Variants in CNTN1 observed in about 807,000 individuals in gnomAD.
CNTN1 encodes contactin-1.
In CNTN1, 38 loss-of-function variants were observed where a neutral mutation model predicts 126.4. That is an observed-to-expected ratio of 0.30 (90% CI 0.23 to 0.39). The LOEUF (loss-of-function observed/expected upper bound fraction) is 0.39, where lower values mean the gene tolerates loss of function less well. CNTN1 is among the 10% of genes least tolerant of loss of function. The probability of loss-of-function intolerance (pLI) is 1.00; values close to 1 mark genes in which losing one functional copy is unlikely to be tolerated. For missense variants in CNTN1, 1,009 were observed against 1,248.4 expected (o/e 0.81, Z 2.89); for synonymous variants, 413 against 422.6 (o/e 0.98, Z 0.28).
chr12:40,849,613 C>A (rs1370630443), intron 1 of CNTN1, among the ~76,000 whole-genome samples: 1 of 152,022 alleles, frequency 6.6e-6, no homozygotes, highest in Admixed American at 6.6e-5. Flanking sequence ...TATTCTCAAA[C>A]TATCTGAAGA....
chr12:40,790,371 C>A (rs1337990692), intron 1 of CNTN1, among the ~76,000 whole-genome samples: 2 of 152,096 alleles, frequency 1.3e-5, no homozygotes, highest in Non-Finnish European at 2.9e-5. Context: ...CTGTTACCAC[C>A]TTTATGATAT....
intron 23 of CNTN1, among the ~76,000 whole-genome samples, chr12:41,046,972 C>T (rs1257879341): frequency 6.6e-6 from 1 of 150,532 alleles, no homozygotes; most frequent in Non-Finnish European, 1.5e-5. Context: ...CCCTTTCCCT[C>T]TTTATGCTTC....
rs532543671 is a variant in CNTN1 at position 40,824,757 on chromosome 12, T to G, written c.-76-83600T>G. ...ACATTAAAGCCCATATTGTTTCCAT[T>G]ATAAACCCCTGTGTCTTTAAATATC... On this transcript the variant is annotated intron_variant, in intron 1 of 23. Coordinates refer to ENST00000551295, the MANE Select transcript of CNTN1 (RefSeq NM_001843.4). 4.6e-5 allele frequency among the ~76,000 whole-genome samples: 7 copies of G among 152,292 alleles called. No individual in the cohort carries two copies. The East Asian group carries it at 1.2e-3, about 25-fold the overall frequency.
intron 15 of CNTN1, chr12:40,971,537 G>A (rs773925837): frequency 2.5e-6 from 4 of 1,587,048 alleles, no homozygotes; most frequent in South Asian, 2.3e-5. Context: ...CCATTTCTGT[G>A]AAAGACTTTT....
rs544882120 is a variant in CNTN1 at position 40,823,955 on chromosome 12, C to T, written c.-76-84402C>T. On this transcript the variant is annotated intron_variant, in intron 1 of 23. Transcript: ENST00000551295. ...TATTTTCCTCATCACCATATCCTTACATTTGCCTTGTTTAGTGCCTCATCA... is the reference window on the plus strand; with the variant it reads ...TATTTTCCTCATCACCATATCCTTATATTTGCCTTGTTTAGTGCCTCATCA... Among the ~76,000 whole-genome samples the T allele has an allele frequency of 3.3e-5, 5 of 152,176 alleles. No homozygotes were observed. In the East Asian group the frequency reaches 7.7e-4, roughly 23 times the overall value.
At chr12:41,007,490 G>A (rs778049814) in intron 17 of CNTN1, among the ~76,000 whole-genome samples, 37 of 152,170 alleles carry the variant, frequency 2.4e-4, no homozygotes, top group Non-Finnish European at 3.5e-4. Flanking sequence ...GGACTCACAC[G>A]AGGAGTTTAG....
chr12:40,972,260 T>G, intron 15 of CNTN1: 1 of 985,268 alleles, frequency 1.0e-6, no homozygotes, highest in Non-Finnish European at 1.2e-6. Context: ...AAGGTTGTGA[T>G]TTTTACTGGG....
chr12:41,001,526 AT>A (rs1948360014), intron 17 of CNTN1, among the ~76,000 whole-genome samples: 1 of 151,858 alleles, frequency 6.6e-6, no homozygotes, highest in African/African-American at 2.4e-5. Context: ...AGTTTGCAAA[AT>A]TTTTTTCCCA....
chr12:40,697,375 T>C (rs1941476797), intron 1 of CNTN1, among the ~76,000 whole-genome samples: 1 of 152,232 alleles, frequency 6.6e-6, no homozygotes, highest in African/African-American at 2.4e-5. Context: ...AAAAATGTTA[T>C]ATTTATAGGT....
chr12:40,991,828 AAAAC>A lies in CNTN1; in HGVS notation c.1964-1268_1964-1265del, dbSNP rs141511459. On this transcript the variant is annotated intron_variant, in intron 16 of 23. Coordinates refer to ENST00000551295, the MANE Select transcript of CNTN1 (RefSeq NM_001843.4). The stretch of plus-strand genomic sequence containing the variant: ...GGGTGACAGAGTGAGACTCCGTCTC[AAAAC>A]AAACAAACAAACAAACAAACAAAAA... 8.9e-3 allele frequency among the ~76,000 whole-genome samples: 1,357 copies of A among 151,994 alleles called. 17 individuals are homozygous for A. Among genetic ancestry groups the A allele is most frequent in the African/African-American group, 0.031 (1,304 of 41,470 alleles).
At chr12:40,906,545 T>C (rs1294323215) in intron 1 of CNTN1, among the ~76,000 whole-genome samples, 10 of 152,152 alleles carry the variant, frequency 6.6e-5, no homozygotes. Context: ...TATATTTTTC[T>C]CTGACATAAT....
chr12:40,698,321 C>T (rs550001852), intron 1 of CNTN1, among the ~76,000 whole-genome samples: 3 of 149,440 alleles, frequency 2.0e-5, no homozygotes, highest in African/African-American at 7.4e-5. Context: ...CTGCAAGCTC[C>T]GCCTCCTGGG....
intron 1 of CNTN1, among the ~76,000 whole-genome samples, chr12:40,781,000 T>G (rs995899950): frequency 6.6e-6 from 1 of 151,794 alleles, no homozygotes. Context: ...AATCACATAC[T>G]CACTACTAAG....
chr12:40,713,673 A>G (rs777023311), intron 1 of CNTN1, among the ~76,000 whole-genome samples: 11 of 152,088 alleles, frequency 7.2e-5, no homozygotes, highest in Non-Finnish European at 5.9e-5. Context: ...AGGTCCTATC[A>G]TGTTAAAAAT....
chr12:40,837,842 C>A lies in CNTN1; in HGVS notation c.-76-70515C>A, dbSNP rs532744564. On this transcript the variant is annotated intron_variant, in intron 1 of 23. Transcript: ENST00000551295. ...GTTGACACTGAGACATGGATGCCAG[C>A]TGGGTGGACACTCCTGTAGCCAGGG... Among the ~76,000 whole-genome samples, 7 of 152,246 alleles carry A rather than the reference C, an allele frequency of 4.6e-5. No homozygotes were observed. The East Asian group carries it at 1.4e-3, about 30-fold the overall frequency.
intron 1 of CNTN1, among the ~76,000 whole-genome samples, chr12:40,706,214 C>T (rs1385501770): frequency 6.6e-6 from 1 of 151,364 alleles, no homozygotes; most frequent in African/African-American, 2.4e-5. Flanking sequence ...TGTGCTGCAC[C>T]CATTAACTCG....
chr12:40,711,068 CA>C (rs1013375569), intron 1 of CNTN1, among the ~76,000 whole-genome samples: 2 of 152,098 alleles, frequency 1.3e-5, no homozygotes, highest in African/African-American at 4.8e-5. Context: ...ACTATTTCTA[CA>C]GCTATCCTTT....
intron 3 of CNTN1, among the ~76,000 whole-genome samples, chr12:40,914,940 T>C (rs1945176710): frequency 6.6e-6 from 1 of 152,154 alleles, no homozygotes; most frequent in Non-Finnish European, 1.5e-5. Flanking sequence ...TCAGTATAAC[T>C]TTATAGGCAT....
At chr12:41,016,967 C>A in intron 19 of CNTN1, 51 bp downstream of exon 19, 1 of 1,436,662 alleles carries the variant, frequency 7.0e-7, no homozygotes, top group Non-Finnish European at 9.8e-7. Context: ...AAACGTATTT[C>A]TCTAGCAGGC....
Sources: gnomAD v4.1 joint callset for allele counts (sites outside exome capture counted in the v4.1 genomes callset) on GRCh38, gnomAD v4.1.1 for gene constraint, MANE v1.5 for transcripts, NCBI Gene and HGNC (gene_info 2026-07-23, HGNC 2026-07-21) for gene names.